Variants in SLC35C1 observed in about 807,000 individuals in gnomAD.
SLC35C1 encodes the protein solute carrier family 35 member C1, also known as GDP-fucose transporter 1.
Under a neutral mutation model 23.2 loss-of-function variants are expected in SLC35C1, and 8 were observed. The observed-to-expected ratio is 0.35, with a 90% CI of 0.20 to 0.62. SLC35C1 has a LOEUF of 0.62. Ranked by LOEUF, SLC35C1 falls within the 20% of genes least tolerant of loss-of-function variation. The pLI, the probability that SLC35C1 is intolerant of heterozygous loss-of-function variation, is 0.75. For synonymous variants in SLC35C1, 226 were observed against 225.1 expected (o/e 1.00, Z -0.04); for missense variants, 422 against 478.6 (o/e 0.88, Z 1.10).
chr11:45,806,370 G>A, intron 1 of SLC35C1, 34 bp downstream of exon 1: 3 of 1,608,002 alleles, frequency 1.9e-6, no homozygotes, highest in Non-Finnish European at 2.5e-6. Context: ...GGGATAGAGT[G>A]GTCATGGGGA....
At position 45,805,685 on chromosome 11, in the gene SLC35C1, C is replaced by G. The variant is rs1013217184; in HGVS notation, c.-117C>G. 1 of 1,580,684 alleles carries G rather than the reference C, an allele frequency of 6.3e-7. No homozygotes were observed. The highest frequency in any genetic ancestry group is 8.5e-7 in the Non-Finnish European group (1 of 1,171,176). On this transcript the variant is annotated 5_prime_UTR_variant, in exon 1 of 2. Transcript: ENST00000314134. ...GACAATGGGGAGGCCTTTAGGCCAG[C>G]CCACATGTGACAATGGAGGGCTGCG... is the stretch of plus-strand genomic sequence containing the variant.
rs906968235 is a variant in SLC35C1 at position 45,811,387 on chromosome 11, G to A, written c.*52G>A. 36 of 1,409,124 alleles carry A rather than the reference G, an allele frequency of 2.6e-5. No individual in the cohort carries two copies. The African/African-American group carries it at 3.5e-4, about 14-fold the overall frequency. The allele number at this position is 1,409,124 out of a possible 1,614,324, so 87.3% of individuals were successfully genotyped here. A position where few individuals can be genotyped will look rare whatever the true frequency, so the allele number is the denominator to read the frequency against. On this transcript the variant is annotated 3_prime_UTR_variant, in exon 2 of 2. Transcript: ENST00000314134. ...GCCCCGGGGCCCGTACACAGGCGGG[G>A]CCAGCACAGTAGTGAAGGCGGTCTC...
chr11:45,805,223 A>G lies in SLC35C1; in HGVS notation c.-579A>G. On this transcript the variant is annotated 5_prime_UTR_variant, in exon 1 of 2. Transcript: ENST00000314134. ...GGCAGCGAGACGTGGGCGCCGGCCC[A>G]GCCCCCTCCCGCGTCCTTCAGCCCC... 1.0e-6 allele frequency: 1 copy of G among 994,058 alleles called. No individual in the cohort carries two copies. Among genetic ancestry groups the G allele is most frequent in the Non-Finnish European group, 1.2e-6 (1 of 834,578 alleles). 61.6% of individuals were successfully genotyped at this position (994,058 alleles called of 1,614,324 possible).
chr11:45,804,699 G>A (rs1303047406), upstream of SLC35C1: 5 of 985,454 alleles, frequency 5.1e-6, no homozygotes, highest in Non-Finnish European at 6.0e-6. Flanking sequence ...TGGGGGGAAA[G>A]GAGGGGACCA....
At chr11:45,807,632 G>A (rs866572425) in intron 1 of SLC35C1, among the ~76,000 whole-genome samples, 2 of 152,336 alleles carry the variant, frequency 1.3e-5, no homozygotes, top group Middle Eastern at 3.4e-3. Flanking sequence ...ACCGGTTGGT[G>A]GGGGAAGGGA....
rs748118944 is a variant in SLC35C1 at position 45,811,263 on chromosome 11, G to T, written c.1023G>T (p.Arg341Ser). The T allele has an allele frequency of 1.3e-6, 2 of 1,586,772 alleles. No homozygotes were observed. Among genetic ancestry groups the T allele is most frequent in the Non-Finnish European group, 1.7e-6 (2 of 1,166,582 alleles). Residue 341 changes from arginine (R) to serine (S), a missense_variant, in exon 2 of 2, where the codon AGG becomes AGT. By Grantham distance (110) the Arg-to-Ser change is moderately radical. Transcript: ENST00000314134. ...LGGSSAYTWVRGWEMKKTPEE... is the reference protein window; with the variant it reads ...LGGSSAYTWVSGWEMKKTPEE... ...GCTCCTCCGCCTACACCTGGGTCAG[G>T]GGCTGGGAGATGAAGAAGACTCCGG...
chr11:45,805,071 C>A (rs2085852549), upstream of SLC35C1: 4 of 985,580 alleles, frequency 4.1e-6, no homozygotes, highest in South Asian at 1.9e-4. Context: ...AAGGGCAAGG[C>A]GGGGCGTGCG....
chr11:45,805,344 T>A lies in SLC35C1; in HGVS notation c.-458T>A. ...ACGCCTCCCTCCCCCTGCCCGCCCC[T>A]CCCTCCCACAGCCGCCCATGACGCC... is the stretch of plus-strand genomic sequence containing the variant. On this transcript the variant is annotated 5_prime_UTR_variant, in exon 1 of 2. Coordinates refer to ENST00000314134, the MANE Select transcript of SLC35C1 (RefSeq NM_018389.5). 1 of 131,464 alleles carries A rather than the reference T, an allele frequency of 7.6e-6. No homozygotes were observed. Among genetic ancestry groups the A allele is most frequent in the Non-Finnish European group, 8.7e-6 (1 of 114,360 alleles). The allele number at this position is 131,464 out of a possible 1,614,324, so 8.1% of individuals were successfully genotyped here.
At position 45,805,321 on chromosome 11, in the gene SLC35C1, G is replaced by T; in HGVS notation, c.-481G>T. ...CCCGGCCTCCGGCAGCTCCCTGTACGCCTCCCTCCCCCTGCCCGCCCCTCC... is the reference window on the plus strand; with the variant it reads ...CCCGGCCTCCGGCAGCTCCCTGTACTCCTCCCTCCCCCTGCCCGCCCCTCC... On this transcript the variant is annotated 5_prime_UTR_variant, in exon 1 of 2. Coordinates refer to ENST00000314134, the MANE Select transcript of SLC35C1 (RefSeq NM_018389.5). 1 of 1,022,162 alleles carries T rather than the reference G, an allele frequency of 9.8e-7. No individual in the cohort carries two copies. Among genetic ancestry groups the T allele is most frequent in the Non-Finnish European group, 1.2e-6 (1 of 851,532 alleles). 63.3% of individuals were successfully genotyped at this position (1,022,162 alleles called of 1,614,324 possible).
chr11:45,808,225 C>T (rs2085897960), intron 1 of SLC35C1, among the ~76,000 whole-genome samples: 1 of 152,222 alleles, frequency 6.6e-6, no homozygotes, highest in Non-Finnish European at 1.5e-5. Flanking sequence ...CTGGGCCAGG[C>T]ACAGTGGCTC....
Position 45,811,008 on chromosome 11 carries a change from T to C in SLC35C1, c.768T>C (p.Arg256=). The C allele has an allele frequency of 6.2e-7, 1 of 1,612,974 alleles. No individual in the cohort carries two copies. Among genetic ancestry groups the C allele is most frequent in the Non-Finnish European group, 8.5e-7 (1 of 1,180,032 alleles). ...TGCTCGGGGAGCTTCAGGCCCTGCG[T>C]GACTTTGCCCAGCTGGGCAGTGCCC... The part of the protein sequence containing the change: ...LLLLGELQAL[R]DFAQLGSAHF... The change falls in exon 2 of 2, where the codon CGT becomes CGC. Residue 256 remains arginine (R), a synonymous_variant. Transcript: ENST00000314134.
chr11:45,804,622 G>A (rs1242722571), upstream of SLC35C1: 8 of 985,724 alleles, frequency 8.1e-6, no homozygotes, highest in Non-Finnish European at 9.6e-6. Flanking sequence ...GAGGCGGCGT[G>A]GCCTCCGGCC....
Position 45,805,955 on chromosome 11 carries a change from T to C in SLC35C1, c.154T>C (p.Ser52Pro). Reference sequence around the variant, plus strand: ...GGTGGTCTCCCTCTACTGGGTCACCTCCATCTCCATGGTGTTCCTTAATAA... The same window carrying C: ...GGTGGTCTCCCTCTACTGGGTCACCCCCATCTCCATGGTGTTCCTTAATAA... ...ALVVSLYWVTSISMVFLNKYL... is the reference protein window; with the variant it reads ...ALVVSLYWVTPISMVFLNKYL... The change falls in exon 1 of 2, where the codon TCC becomes CCC. Residue 52 changes from serine to proline, a missense_variant. By Grantham distance (74) the Ser-to-Pro change is moderately conservative. Coordinates refer to ENST00000314134, the MANE Select transcript of SLC35C1 (RefSeq NM_018389.5). 4 of 1,614,158 alleles carry C rather than the reference T, an allele frequency of 2.5e-6. No individual in the cohort carries two copies. Among genetic ancestry groups the C allele is most frequent in the Non-Finnish European group, 3.4e-6 (4 of 1,180,012 alleles).
In SLC35C1 at chr11:45,805,729, C is replaced by G; in HGVS notation, c.-73C>G. ...GGCTGCGGCTTCCTTGCGGAGAGCA[C>G]AAGTGAGCTCACTGCCCTGGACTCC... On this transcript the variant is annotated 5_prime_UTR_variant, in exon 1 of 2. Transcript: ENST00000314134. 1 of 1,600,312 alleles carries G rather than the reference C, an allele frequency of 6.2e-7. No homozygotes were observed. Among genetic ancestry groups the G allele is most frequent in the Non-Finnish European group, 8.5e-7 (1 of 1,179,588 alleles).
Position 45,805,340 on chromosome 11 carries a change from C to CCCCT in SLC35C1, c.-454_-451dup. ...CTGTACGCCTCCCTCCCCCTGCCCG[C>CCCCT]CCCTCCCTCCCACAGCCGCCCATGA... On this transcript the variant is annotated 5_prime_UTR_variant, in exon 1 of 2. Coordinates refer to ENST00000314134, the MANE Select transcript of SLC35C1 (RefSeq NM_018389.5). 2.0e-6 allele frequency: 2 copies of CCCCT among 988,478 alleles called. No homozygotes were observed. The highest frequency in any genetic ancestry group is 2.4e-6 in the Non-Finnish European group (2 of 829,594). 61.2% of individuals were successfully genotyped at this position (988,478 alleles called of 1,614,324 possible). A position where few individuals can be genotyped will look rare whatever the true frequency, so the allele number is the denominator to read the frequency against.
chr11:45,807,765 C>T (rs753530560), intron 1 of SLC35C1, among the ~76,000 whole-genome samples: 15 of 152,064 alleles, frequency 9.9e-5, no homozygotes, highest in Non-Finnish European at 1.5e-4. Context: ...GTAGGGGAAG[C>T]TGCAAGACCC....
intron 1 of SLC35C1, chr11:45,810,541 A>T (rs984047140): frequency 1.0e-6 from 1 of 985,438 alleles, no homozygotes; most frequent in Non-Finnish European, 1.2e-6. Flanking sequence ...CTCCTCTGCT[A>T]GCAGATAAGC....
rs1443077534 is a variant in SLC35C1 at position 45,812,952 on chromosome 11, T to C, written c.*1617T>C. ...CAGTCCCCTCACAATCCCAGATGGG[T>C]TCTAATGCAGCTGCTGGGGCCTGAT... On this transcript the variant is annotated 3_prime_UTR_variant, in exon 2 of 2. Transcript: ENST00000314134. The C allele has an allele frequency of 3.7e-6, 1 of 273,254 alleles. No homozygotes were observed. The allele number at this position is 273,254 out of a possible 1,614,324, so 16.9% of individuals were successfully genotyped here. A position where few individuals can be genotyped will look rare whatever the true frequency, so the allele number is the denominator to read the frequency against.
chr11:45,809,225 G>A (rs1393183644), intron 1 of SLC35C1, among the ~76,000 whole-genome samples: 4 of 152,212 alleles, frequency 2.6e-5, no homozygotes, highest in Non-Finnish European at 5.9e-5. Context: ...GCATGGTGGT[G>A]ACAGTTACGC....
Sources: allele counts gnomAD v4.1 joint callset (sites outside exome capture counted in the v4.1 genomes callset), GRCh38; gene constraint gnomAD v4.1.1; transcripts MANE v1.5; gene names NCBI Gene and HGNC (gene_info 2026-07-23, HGNC 2026-07-21).